Variants in CACNA1D observed in about 807,000 individuals in gnomAD.
The protein encoded by CACNA1D is calcium voltage-gated channel subunit alpha1 D.
In CACNA1D, 55 loss-of-function variants were observed where a neutral mutation model predicts 257.1. The ratio of observed to expected loss-of-function variants is 0.21; its 90% confidence interval spans 0.17 to 0.27. CACNA1D has a LOEUF of 0.27. CACNA1D is among the 10% of genes least tolerant of loss of function. CACNA1D has a pLI of 1.00. For synonymous variants in CACNA1D, 980 were observed against 1,014.9 expected (o/e 0.97, Z 0.65); for missense variants, 1,876 against 2,784.0 (o/e 0.67, Z 7.34).
intron 39 of CACNA1D, among the ~76,000 whole-genome samples, chr3:53,783,507 C>T (rs1017974051): frequency 5.9e-5 from 9 of 152,126 alleles, no homozygotes; most frequent in African/African-American, 1.2e-4. Context: ...ACAACGGCAG[C>T]GAGAGGCAGT....
At chr3:53,792,965 C>T (rs999806737) in intron 40 of CACNA1D, among the ~76,000 whole-genome samples, 2 of 152,240 alleles carry the variant, frequency 1.3e-5, no homozygotes, top group Admixed American at 6.5e-5. Context: ...GCACAGTCCA[C>T]AGGGCCCAAG....
In CACNA1D at chr3:53,668,964, C is replaced by T. The variant is rs547380924; in HGVS notation, c.1116+2429C>T. Among the ~76,000 whole-genome samples the T allele has an allele frequency of 5.3e-5, 8 of 152,278 alleles. No individual in the cohort carries two copies. In the South Asian group the frequency reaches 1.7e-3, roughly 32 times the overall value. On this transcript the variant is annotated intron_variant, in intron 7 of 47. Coordinates refer to ENST00000350061, the MANE Select transcript of CACNA1D (RefSeq NM_001128840.3). ...AGGCCATATAAAAGCATACAGCAAGCTAGATTTGGTCTGCAGGTCATGCTG... is the reference window on the plus strand; with the variant it reads ...AGGCCATATAAAAGCATACAGCAAGTTAGATTTGGTCTGCAGGTCATGCTG...
At position 53,497,306 on chromosome 3, in the gene CACNA1D, C is replaced by T. The variant is rs140749530; in HGVS notation, c.222C>T (p.Pro74=). ...KAAQTMSTSA[P]PPVGSLSQRK... is the part of the protein sequence containing the mutation. Reference sequence around the variant, plus strand: ...CCCAAACTATGAGCACCTCTGCACCCCCACCTGTAGGATCTCTCTCCCAAA... The same window carrying T: ...CCCAAACTATGAGCACCTCTGCACCTCCACCTGTAGGATCTCTCTCCCAAA... Residue 74 remains proline, a synonymous_variant, in exon 2 of 48, where the codon CCC becomes CCT. Transcript: ENST00000350061. The T allele has an allele frequency of 8.4e-4, 1,350 of 1,614,024 alleles. 2 individuals are homozygous for T. Among genetic ancestry groups the T allele is most frequent in the Non-Finnish European group, 1.1e-3 (1,248 of 1,180,044 alleles).
intron 3 of CACNA1D, among the ~76,000 whole-genome samples, chr3:53,576,581 C>A (rs970481732): frequency 5.9e-5 from 9 of 152,188 alleles, no homozygotes; most frequent in Non-Finnish European, 1.0e-4. Context: ...GACCCCATAA[C>A]CCTTCCAGCC....
Position 53,620,011 on chromosome 3 carries a change from A to G in CACNA1D, c.484-30768A>G, listed in dbSNP as rs185314430. On this transcript the variant is annotated intron_variant, in intron 3 of 47. Coordinates refer to ENST00000350061, the MANE Select transcript of CACNA1D (RefSeq NM_001128840.3). Reference sequence around the variant, plus strand: ...AAGGATAATCAAGTTACAGATTGTTACAAGTGCTATGAAGAAAATTTATGA... The same window carrying G: ...AAGGATAATCAAGTTACAGATTGTTGCAAGTGCTATGAAGAAAATTTATGA... Among the ~76,000 whole-genome samples the G allele has an allele frequency of 2.6e-5, 4 of 152,370 alleles. No homozygotes were observed. In the East Asian group the frequency reaches 7.7e-4, roughly 29 times the overall value.
chr3:53,647,354 A>G (rs1366005765), intron 3 of CACNA1D, among the ~76,000 whole-genome samples: 2 of 152,182 alleles, frequency 1.3e-5, no homozygotes, highest in Non-Finnish European at 2.9e-5. Flanking sequence ...CTGTTAAGGT[A>G]CAGCTCCTGC....
In CACNA1D at chr3:53,745,639, G is replaced by T; in HGVS notation, c.3022G>T (p.Val1008Phe). Residue 1008 changes from valine to phenylalanine, a missense_variant, in exon 24 of 48, where the codon GTC (valine) becomes TTC (phenylalanine). Around this residue, in one of 10 missense-constraint regions of CACNA1D, gnomAD observed 271 missense variants for 425.5 expected, o/e 0.64. Coordinates refer to ENST00000350061, the MANE Select transcript of CACNA1D (RefSeq NM_001128840.3). ...AKGLKHVVQC[V>F]FVAIRTIGNI... ...CTCTCCGCAGCACGTGGTCCAGTGC[G>T]TCTTCGTGGCCATCCGGACCATCGG... The T allele has an allele frequency of 6.2e-7, 1 of 1,613,436 alleles. No individual in the cohort carries two copies.
At chr3:53,653,802 T>G (rs990755285) in intron 4 of CACNA1D, among the ~76,000 whole-genome samples, 1 of 152,054 alleles carries the variant, frequency 6.6e-6, no homozygotes, top group African/African-American at 2.4e-5. Context: ...GCTCCAGATT[T>G]TCCAAATGTG....
At chr3:53,653,628 A>T (rs1339844471) in intron 4 of CACNA1D, among the ~76,000 whole-genome samples, 3 of 152,192 alleles carry the variant, frequency 2.0e-5, no homozygotes, top group African/African-American at 7.2e-5. Flanking sequence ...ATATCAGGGA[A>T]TTTGAACATA....
At chr3:53,555,437 G>GGTGTGTGTGTGTGT (rs1165879084) in intron 3 of CACNA1D, among the ~76,000 whole-genome samples, 2 of 122,918 alleles carry the variant, frequency 1.6e-5, no homozygotes, top group African/African-American at 6.8e-5. Flanking sequence ...TTTTCTGGTG[G>GGTGTGTGTGTGTGT]GTGTGTGTGT....
chr3:53,674,155 T>C (rs1053080488), intron 8 of CACNA1D: 1 of 433,760 alleles, frequency 2.3e-6, no homozygotes, highest in African/African-American at 2.0e-5. Context: ...TGTCATTTTG[T>C]GTCTATTAGT....
rs1048475795 is a variant in CACNA1D at position 53,637,531 on chromosome 3, A to T, written c.484-13248A>T. Among the ~76,000 whole-genome samples the T allele has an allele frequency of 5.4e-4, 82 of 152,038 alleles. 1 individual carries two copies. The highest frequency in any genetic ancestry group is 1.5e-5 in the Non-Finnish European group (1 of 68,030). ...ATAATTAACCAGCCCTTGCCACCTA[A>T]CTCAATATAATCCCCTAGTAACTCC... On this transcript the variant is annotated intron_variant, in intron 3 of 47. Transcript: ENST00000350061.
At chr3:53,735,158 A>G (rs2095045137) in intron 19 of CACNA1D, among the ~76,000 whole-genome samples, 2 of 152,198 alleles carry the variant, frequency 1.3e-5, no homozygotes, top group South Asian at 4.1e-4. Flanking sequence ...CCCCCAGCAC[A>G]GAGGTGACAC....
chr3:53,665,813 G>A lies in CACNA1D; in HGVS notation c.919+1G>A, dbSNP rs966702928. On this transcript the variant is annotated splice_donor_variant, in intron 6 of 47. Coordinates refer to ENST00000350061, the MANE Select transcript of CACNA1D (RefSeq NM_001128840.3). LOFTEE classifies it high-confidence loss of function. Reference sequence around the variant, plus strand: ...AAAACATGTTTTTTTGCTGACTCAGGTGAGTAATGAGAATTGTAGCTAACT... The same window carrying A: ...AAAACATGTTTTTTTGCTGACTCAGATGAGTAATGAGAATTGTAGCTAACT... 6.2e-7 allele frequency: 1 copy of A among 1,612,184 alleles called. No homozygotes were observed.
intron 8 of CACNA1D, among the ~76,000 whole-genome samples, chr3:53,682,383 A>AAC (rs2094439510): frequency 6.8e-6 from 1 of 146,990 alleles, no homozygotes; most frequent in African/African-American, 2.5e-5. Flanking sequence ...AAAAAAAAAA[A>AAC]AAAAAAAAAA....
rs377033560 is a variant in CACNA1D, at chr3:53,495,594, C to A, written c.67+361C>A. 1.7e-3 allele frequency among the ~76,000 whole-genome samples: 263 copies of A among 152,236 alleles called. 2 individuals carry two copies. The highest frequency in any genetic ancestry group is 6.1e-3 in the African/African-American group (254 of 41,554). On this transcript the variant is annotated intron_variant, in intron 1 of 47. Transcript: ENST00000350061. This position sits in a 1 kb window ranked among gnomAD's most constrained non-coding sequence, Gnocchi z 5.1. ...GCCGCAAGTCTTCAGCCGGAGCCCC[C>A]TTGCCAGCCTCTTCTCGCCTTCCAC...
chr3:53,580,968 A>G (rs2093122608), intron 3 of CACNA1D, among the ~76,000 whole-genome samples: 1 of 152,192 alleles, frequency 6.6e-6, no homozygotes, highest in Non-Finnish European at 1.5e-5. Context: ...ACTGACTGGG[A>G]GGTGAAAGAT....
At chr3:53,740,540 G>A in intron 21 of CACNA1D, 3 of 532,506 alleles carry the variant, frequency 5.6e-6, no homozygotes, top group Non-Finnish European at 1.0e-5. Context: ...CAGGAAAGAA[G>A]CGTGGAGTGC....
chr3:53,569,521 G>C (rs1450484938), intron 3 of CACNA1D, among the ~76,000 whole-genome samples: 1 of 152,190 alleles, frequency 6.6e-6, no homozygotes, highest in Non-Finnish European at 1.5e-5. Flanking sequence ...GAATGTGTTA[G>C]GTCTCCATAT....
Sources: gnomAD v4.1 joint callset for allele counts (sites outside exome capture counted in the v4.1 genomes callset) on GRCh38, gnomAD v4.1.1 for gene constraint, gnomAD v4.1.1 regional missense constraint, Gnocchi (gnomAD v3.1) non-coding constraint, MANE v1.5 for transcripts, NCBI Gene and HGNC (gene_info 2026-07-23, HGNC 2026-07-21) for gene names.